The following NXPH1 variants were observed in gnomAD, a reference collection of about 807,000 sequenced individuals.
The protein encoded by NXPH1 is neurexophilin-1.
NXPH1 carries 5 observed loss-of-function variants against 23.7 expected under a neutral mutation model. The ratio of observed to expected loss-of-function variants is 0.21; its 90% CI spans 0.11 to 0.44. NXPH1 has a LOEUF of 0.44. Ranked by LOEUF, NXPH1 falls within the 20% of genes least tolerant of loss-of-function variation. The pLI, the probability that NXPH1 is intolerant of heterozygous loss-of-function variation, is 0.99. For missense variants in NXPH1, 324 were observed against 321.6 expected, an observed-to-expected ratio of 1.01 and a Z score of -0.06; for synonymous variants, 144 against 122.2, an observed-to-expected ratio of 1.18 and a Z score of -1.18.
intron 2 of NXPH1, among the ~76,000 whole-genome samples, chr7:8,529,882 A>G (rs1817923675): frequency 6.6e-6 from 1 of 152,214 alleles, no homozygotes; most frequent in Admixed American, 6.5e-5. Context: ...TCTACCAGCT[A>G]CCTGGGTGAT....
chr7:8,582,978 A>G (rs1482868222), intron 2 of NXPH1, among the ~76,000 whole-genome samples: 2 of 152,114 alleles, frequency 1.3e-5, no homozygotes, highest in African/African-American at 2.4e-5. Context: ...CCTTCCTCCC[A>G]TGCCTGTTGG....
intron 2 of NXPH1, among the ~76,000 whole-genome samples, chr7:8,616,457 A>T (rs1819740561): frequency 6.6e-6 from 1 of 151,944 alleles, no homozygotes. Flanking sequence ...CGTCATCTCG[A>T]CTCAACTTGT....
At chr7:8,475,781 A>C (rs569808680) in intron 2 of NXPH1, among the ~76,000 whole-genome samples, 1 of 152,162 alleles carries the variant, frequency 6.6e-6, no homozygotes, top group Non-Finnish European at 1.5e-5. Flanking sequence ...GAAGGATATA[A>C]TATCACATAT....
At chr7:8,710,640 G>GTTTTTT (rs1368543367) in intron 2 of NXPH1, among the ~76,000 whole-genome samples, 9 of 27,680 alleles carry the variant, frequency 3.3e-4, no homozygotes, top group East Asian at 2.1e-3. Context: ...CAACTGTTAC[G>GTTTTTT]TTTTTTGTTT....
At chr7:8,499,079 C>T (rs888809225) in intron 2 of NXPH1, among the ~76,000 whole-genome samples, 35 of 152,040 alleles carry the variant, frequency 2.3e-4, no homozygotes, top group Non-Finnish European at 2.6e-4. Context: ...TGATGCGAGG[C>T]ACTACAGGTG....
chr7:8,751,438 A>G lies in NXPH1; in HGVS notation c.485A>G (p.Asn162Ser), dbSNP rs762367259. ...YFRHNSTGQG[N>S]VSVSLVPPTK... is the part of the protein sequence containing the mutation. ...AGGCATAATTCAACTGGTCAAGGGAATGTATCTGTCAGCTTGGTACCCCCT... is the reference window on the plus strand; with the variant it reads ...AGGCATAATTCAACTGGTCAAGGGAGTGTATCTGTCAGCTTGGTACCCCCT... The change falls in exon 3 of 3, where the codon AAT becomes AGT. Residue 162 changes from asparagine to serine, a missense_variant. Transcript: ENST00000405863. The surrounding 1 kb of genome is among the most constrained non-coding windows in gnomAD (Gnocchi z 4.5). 1.2e-6 allele frequency: 2 copies of G among 1,613,738 alleles called. No homozygotes were observed. Among genetic ancestry groups the G allele is most frequent in the African/African-American group, 2.7e-5 (2 of 74,932 alleles).
intron 2 of NXPH1, among the ~76,000 whole-genome samples, chr7:8,682,101 C>T (rs763342518): frequency 7.9e-5 from 12 of 152,082 alleles, no homozygotes; most frequent in Non-Finnish European, 1.3e-4. Context: ...TCACCTTCAC[C>T]TTTGTGCTTG....
intron 2 of NXPH1, among the ~76,000 whole-genome samples, chr7:8,511,974 C>T (rs770508953): frequency 3.9e-5 from 6 of 152,142 alleles, no homozygotes; most frequent in East Asian, 1.9e-4. Flanking sequence ...TGGCCCTTGG[C>T]GCTCAGCCAG....
At chr7:8,524,687 T>C (rs909119312) in intron 2 of NXPH1, among the ~76,000 whole-genome samples, 1 of 152,160 alleles carries the variant, frequency 6.6e-6, no homozygotes, top group African/African-American at 2.4e-5. Context: ...TGGGGGCCGA[T>C]CTTTCCCATG....
At chr7:8,577,645 G>C (rs1198834952) in intron 2 of NXPH1, among the ~76,000 whole-genome samples, 2 of 152,162 alleles carry the variant, frequency 1.3e-5, no homozygotes, top group South Asian at 2.1e-4. Context: ...CATCATCTGT[G>C]GAAGCCAGCT....
intron 2 of NXPH1, among the ~76,000 whole-genome samples, chr7:8,688,852 G>C (rs538197125): frequency 6.6e-6 from 1 of 152,166 alleles, no homozygotes; most frequent in Admixed American, 6.6e-5. Flanking sequence ...AAATGTTGCA[G>C]AACAGGATTA....
chr7:8,607,541 A>T (rs1257206865), intron 2 of NXPH1, among the ~76,000 whole-genome samples: 1 of 152,340 alleles, frequency 6.6e-6, no homozygotes, highest in South Asian at 2.1e-4. Flanking sequence ...ACTTAGAAGA[A>T]CTGCCTAAGA....
intron 2 of NXPH1, among the ~76,000 whole-genome samples, chr7:8,647,078 A>G (rs1162468815): frequency 1.3e-5 from 2 of 152,128 alleles, no homozygotes; most frequent in East Asian, 1.9e-4. Flanking sequence ...TCGGACAGAC[A>G]CGGATACAGA....
At chr7:8,507,825 G>A (rs966168884) in intron 2 of NXPH1, among the ~76,000 whole-genome samples, 15 of 152,050 alleles carry the variant, frequency 9.9e-5, no homozygotes, top group African/African-American at 3.6e-4. Flanking sequence ...GATTTGTTTG[G>A]CATAAATTGC....
chr7:8,642,154 G>T (rs1465287293), intron 2 of NXPH1, among the ~76,000 whole-genome samples: 1 of 152,152 alleles, frequency 6.6e-6, no homozygotes, highest in Non-Finnish European at 1.5e-5. Flanking sequence ...CTTAAAAAGG[G>T]TGTTTTGAAG....
intron 2 of NXPH1, among the ~76,000 whole-genome samples, chr7:8,595,664 G>A (rs1325724352): frequency 6.6e-6 from 1 of 151,916 alleles, no homozygotes; most frequent in African/African-American, 2.4e-5. Context: ...TGACTTCTAC[G>A]GAACTCAAGA....
intron 2 of NXPH1, among the ~76,000 whole-genome samples, chr7:8,531,884 A>G (rs191338657): frequency 6.6e-5 from 10 of 152,322 alleles, no homozygotes; most frequent in African/African-American, 1.9e-4. Flanking sequence ...GTCTCATAGT[A>G]GGTATCTCAC....
At chr7:8,621,836 T>C (rs987914820) in intron 2 of NXPH1, among the ~76,000 whole-genome samples, 1 of 152,154 alleles carries the variant, frequency 6.6e-6, no homozygotes, top group African/African-American at 2.4e-5. Context: ...TTAATAATAA[T>C]AACTTTCAGG....
Position 8,752,183 on chromosome 7 carries a change from C to CTTTTTT in NXPH1, c.*418_*419insTTTTTT. On this transcript the variant is annotated 3_prime_UTR_variant, in exon 3 of 3. Coordinates refer to ENST00000405863, the MANE Select transcript of NXPH1 (RefSeq NM_152745.3). ...CTAACAGTTGCTGTTATGGAAATCT[C>CTTTTTT]TTTTAAAGTCTTGAGTACATGCTAA... 1 of 174,240 alleles carries CTTTTTT rather than the reference C, an allele frequency of 5.7e-6. No individual in the cohort carries two copies. Among genetic ancestry groups the CTTTTTT allele is most frequent in the Non-Finnish European group, 1.3e-5 (1 of 79,390 alleles). The allele number at this position is 174,240 out of a possible 1,614,324, so 10.8% of individuals were successfully genotyped here. A position where few individuals can be genotyped will look rare whatever the true frequency, so the allele number is the denominator to read the frequency against.
Sources: allele counts gnomAD v4.1 joint callset (sites outside exome capture counted in the v4.1 genomes callset), GRCh38; gene constraint gnomAD v4.1.1; non-coding constraint Gnocchi (gnomAD v3.1); transcripts MANE v1.5; gene names NCBI Gene and HGNC (gene_info 2026-07-23, HGNC 2026-07-21).